The following DAB1 variants were observed in gnomAD, a reference collection of about 807,000 sequenced individuals.
DAB1 encodes disabled homolog 1.
DAB1 carries 15 observed loss-of-function variants against 64.6 expected under a neutral mutation model. That is an observed-to-expected ratio of 0.23 (90% confidence interval 0.16 to 0.36). The LOEUF (loss-of-function observed/expected upper bound fraction) is 0.36, where lower values mean the gene tolerates loss of function less well. Among genes scored for constraint, DAB1 ranks in the 10% least tolerant of loss-of-function variants. The pLI is 1.00. For missense variants in DAB1, 596 were observed against 706.7 expected, an observed-to-expected ratio of 0.84 and a Z score of 1.78; for synonymous variants, 235 against 251.9, an observed-to-expected ratio of 0.93 and a Z score of 0.64.
chr1:58,301,616 T>C (rs2100463456), intron 4 of DAB1, among the ~76,000 whole-genome samples: 1 of 152,290 alleles, frequency 6.6e-6, no homozygotes, highest in Non-Finnish European at 1.5e-5. Context: ...AGATGCATTG[T>C]TTTTCCCTCC....
chr1:58,277,149 C>G (rs1048464763), intron 4 of DAB1, among the ~76,000 whole-genome samples: 5 of 146,994 alleles, frequency 3.4e-5, no homozygotes, highest in Non-Finnish European at 5.9e-5. Flanking sequence ...AAGCGATTCT[C>G]TTGCCTCAGC....
chr1:57,546,004 A>G (rs1644851812), intron 7 of DAB1, among the ~76,000 whole-genome samples: 1 of 152,122 alleles, frequency 6.6e-6, no homozygotes. Context: ...ATGTGTTTCC[A>G]GGAGTGCTGT....
intron 5 of DAB1, among the ~76,000 whole-genome samples, chr1:57,919,227 C>T (rs1271358104): frequency 1.3e-5 from 2 of 152,156 alleles, no homozygotes; most frequent in Non-Finnish European, 1.5e-5. Flanking sequence ...CATAATACAC[C>T]TAACACAGAT....
chr1:57,783,125 A>G (rs1240172253), intron 6 of DAB1, among the ~76,000 whole-genome samples: 1 of 11,924 alleles, frequency 8.4e-5, no homozygotes, highest in Non-Finnish European at 2.0e-4. Flanking sequence ...TTTTTTTTTT[A>G]CAGGGTCTCA....
intron 1 of DAB1, among the ~76,000 whole-genome samples, chr1:58,529,522 A>T (rs1212367728): frequency 6.6e-6 from 1 of 152,244 alleles, no homozygotes; most frequent in Non-Finnish European, 1.5e-5. Flanking sequence ...AACACCTAGT[A>T]AGACTTTCCT....
At chr1:57,969,615 CTT>C (rs1208190760) in intron 5 of DAB1, among the ~76,000 whole-genome samples, 2 of 152,144 alleles carry the variant, frequency 1.3e-5, no homozygotes, top group Admixed American at 6.6e-5. Flanking sequence ...CATCACAAAA[CTT>C]ATTGATGTTA....
At chr1:57,894,314 AG>A (rs1489080669) in intron 5 of DAB1, among the ~76,000 whole-genome samples, 9 of 152,158 alleles carry the variant, frequency 5.9e-5, no homozygotes, top group Non-Finnish European at 7.3e-5. Flanking sequence ...TCTTCTAAGG[AG>A]GCAAGAATTG....
chr1:57,844,548 C>A (rs950703856), intron 1 of DAB1, among the ~76,000 whole-genome samples: 1 of 152,182 alleles, frequency 6.6e-6, no homozygotes, highest in Non-Finnish European at 1.5e-5. Context: ...GAGTGATTCA[C>A]AATGGGTTTT....
chr1:57,095,218 A>G lies in DAB1; in HGVS notation c.307-22804T>C, dbSNP rs3768179. 2.7e-3 allele frequency among the ~76,000 whole-genome samples: 414 copies of G among 152,310 alleles called. 10 individuals are homozygous for G. In the East Asian group the frequency reaches 0.072, roughly 26 times the overall value. ...AGATGTCATTCAGAAATTCAGTGCT[A>G]TCCTTTCACAGTGAAGGGGGCCCAC... On this transcript the variant is annotated intron_variant, in intron 4 of 14. Coordinates refer to ENST00000371236, the MANE Select transcript of DAB1 (RefSeq NM_001365792.1).
intron 6 of DAB1, among the ~76,000 whole-genome samples, chr1:57,759,115 C>G (rs1648952871): frequency 6.6e-6 from 1 of 151,768 alleles, no homozygotes; most frequent in Non-Finnish European, 1.5e-5. Context: ...ATACAGATAG[C>G]CTGATACCCA....
At chr1:57,463,057 C>T (rs1420506426) in intron 7 of DAB1, among the ~76,000 whole-genome samples, 1 of 152,132 alleles carries the variant, frequency 6.6e-6, no homozygotes, top group Non-Finnish European at 1.5e-5. Flanking sequence ...ATGTGTTTAG[C>T]AAACATAAAG....
chr1:58,292,055 C>A (rs1397404306), intron 4 of DAB1, among the ~76,000 whole-genome samples: 2 of 152,146 alleles, frequency 1.3e-5, no homozygotes, highest in Non-Finnish European at 2.9e-5. Flanking sequence ...GGAATTTGTC[C>A]CCTTTTTTTC....
Position 57,542,101 on chromosome 1 carries a change from T to C in DAB1, n.625+107491A>G, listed in dbSNP as rs79885235. Among the ~76,000 whole-genome samples, 670 of 152,274 alleles carry C rather than the reference T, an allele frequency of 4.4e-3. 19 individuals are homozygous for C. The East Asian group carries it at 0.099, about 23-fold the overall frequency. On this transcript the variant is annotated intron_variant and non_coding_transcript_variant, in intron 7 of 20. Coordinates refer to the DAB1 transcript ENST00000485760. ...AAGAAGGTAGGATCACTTGCCCAAA[T>C]AGAAAAATGTATGTGATTAAATAAG...
chr1:58,342,833 A>G (rs11811715), intron 4 of DAB1, among the ~76,000 whole-genome samples: 69,064 of 151,858 alleles, frequency 0.45, 16,189 homozygotes, highest in African/African-American at 0.56. Context: ...TTGGGCCCTC[A>G]TAACTGTTTG....
At chr1:57,759,922 G>T (rs1648992912) in intron 6 of DAB1, among the ~76,000 whole-genome samples, 1 of 152,130 alleles carries the variant, frequency 6.6e-6, no homozygotes, top group East Asian at 1.9e-4. Flanking sequence ...CTGCATACAA[G>T]AGCAACGCAT....
intron 6 of DAB1, among the ~76,000 whole-genome samples, chr1:57,688,198 A>G (rs1456957960): frequency 6.6e-6 from 1 of 152,118 alleles, no homozygotes; most frequent in Non-Finnish European, 1.5e-5. Flanking sequence ...ATTATATGGA[A>G]TTTAAGGAAA....
chr1:57,245,605 A>G (rs1198451748), intron 2 of DAB1, among the ~76,000 whole-genome samples: 1 of 152,230 alleles, frequency 6.6e-6, no homozygotes, highest in Non-Finnish European at 1.5e-5. Context: ...TGCAAAAGAC[A>G]TGAACTCATC....
chr1:58,382,203 T>C (rs535731895), intron 3 of DAB1, among the ~76,000 whole-genome samples: 65 of 152,284 alleles, frequency 4.3e-4, no homozygotes, highest in African/African-American at 1.5e-3. Flanking sequence ...TTTTTATTAA[T>C]ATCTTGGTGT....
chr1:58,234,528 G>C (rs949719418), intron 4 of DAB1, among the ~76,000 whole-genome samples: 3 of 152,214 alleles, frequency 2.0e-5, no homozygotes, highest in African/African-American at 7.2e-5. Flanking sequence ...ACAAGGCAGG[G>C]GGCTGGCAGC....
Sources: gnomAD v4.1 joint callset for allele counts (sites outside exome capture counted in the v4.1 genomes callset) on GRCh38, gnomAD v4.1.1 for gene constraint, MANE v1.5 for transcripts, NCBI Gene and HGNC (gene_info 2026-07-23, HGNC 2026-07-21) for gene names.